The following SKIC3 variants were observed in gnomAD, a reference collection of about 807,000 sequenced individuals.
The protein encoded by SKIC3 is superkiller complex protein 3.
the SKIC3 span, chr5:95,513,438 C>T: frequency 0.15 from 150,360 of 971,798 alleles, 13,122 homozygotes; most frequent in East Asian, 0.34. Flanking sequence ...AGCAATCCTC[C>T]TGCCTTGGCA....
At chr5:95,531,107 T>C in the SKIC3 span, among the ~76,000 whole-genome samples, 3 of 151,964 alleles carry the variant, frequency 2.0e-5, no homozygotes, top group South Asian at 2.1e-4. Flanking sequence ...ATATAAAACA[T>C]AGAAGCCCAA....
At chr5:95,464,929 T>TTTTTC in the SKIC3 span, among the ~76,000 whole-genome samples, 1 of 145,610 alleles carries the variant, frequency 6.9e-6, no homozygotes, top group East Asian at 2.0e-4. Flanking sequence ...GATTGCTTTT[T>TTTTTC]TTTTTTTTTT....
At chr5:95,472,855 G>A in the SKIC3 span, among the ~76,000 whole-genome samples, 4 of 152,138 alleles carry the variant, frequency 2.6e-5, no homozygotes, top group Non-Finnish European at 5.9e-5. Flanking sequence ...GAGAACATGC[G>A]TATTTGATTT....
chr5:95,482,612 T>C, the SKIC3 span: 1 of 1,613,880 alleles, frequency 6.2e-7, no homozygotes, highest in Non-Finnish European at 8.5e-7. Flanking sequence ...GGCTGGCTGA[T>C]CAGGGTTACT....
the SKIC3 span, among the ~76,000 whole-genome samples, chr5:95,476,756 G>C: frequency 1.1e-3 from 169 of 152,212 alleles, 1 homozygote; most frequent in Non-Finnish European, 1.8e-3. Flanking sequence ...AAAATACTTC[G>C]GTGGTATAGT....
chr5:95,498,815 C>T, the SKIC3 span, among the ~76,000 whole-genome samples: 1 of 151,980 alleles, frequency 6.6e-6, no homozygotes, highest in Admixed American at 6.6e-5. Context: ...TTAGTAGAGA[C>T]GGGGTTTCAC....
the SKIC3 span, among the ~76,000 whole-genome samples, chr5:95,471,978 T>C: frequency 6.6e-6 from 1 of 152,322 alleles, no homozygotes; most frequent in Admixed American, 6.5e-5. Context: ...TATGATGCCC[T>C]GTGTAACTGC....
chr5:95,476,825 T>G, the SKIC3 span, among the ~76,000 whole-genome samples: 3 of 152,178 alleles, frequency 2.0e-5, no homozygotes, highest in African/African-American at 7.2e-5. Context: ...ATTACTGAAC[T>G]GCAAGCTAAT....
chr5:95,494,631 G>T, the SKIC3 span: 1 of 1,557,934 alleles, frequency 6.4e-7, no homozygotes, highest in Non-Finnish European at 8.8e-7. Context: ...TACAAAATAT[G>T]TATTTAGAAA....
At chr5:95,524,217 G>C in the SKIC3 span, among the ~76,000 whole-genome samples, 1 of 152,028 alleles carries the variant, frequency 6.6e-6, no homozygotes, top group Non-Finnish European at 1.5e-5. Context: ...TACCTTAAAA[G>C]TATTGTTTAC....
At chr5:95,514,401 A>G in the SKIC3 span, among the ~76,000 whole-genome samples, 2 of 152,210 alleles carry the variant, frequency 1.3e-5, no homozygotes, top group Admixed American at 6.5e-5. Context: ...GGGAGGAAAG[A>G]ACACTCATAA....
chr5:95,484,723 C>A, the SKIC3 span: 1 of 1,614,034 alleles, frequency 6.2e-7, no homozygotes, highest in Admixed American at 1.7e-5. Flanking sequence ...CCATAAAATA[C>A]CTTTGTGCAG....
At chr5:95,512,701 C>G in the SKIC3 span, 32 of 1,483,702 alleles carry the variant, frequency 2.2e-5, no homozygotes, top group Middle Eastern at 5.2e-4. Context: ...CAATGCACTT[C>G]AATACAATAA....
the SKIC3 span, among the ~76,000 whole-genome samples, chr5:95,546,326 T>C: frequency 6.7e-6 from 1 of 149,594 alleles, no homozygotes; most frequent in Admixed American, 6.6e-5. Flanking sequence ...GCAAGTTTCT[T>C]TTCCCACCAT....
At chr5:95,478,451 CA>C in the SKIC3 span, 1 of 1,613,450 alleles carries the variant, frequency 6.2e-7, no homozygotes, top group Non-Finnish European at 8.5e-7. Flanking sequence ...CACTAAGAAA[CA>C]AAAAAGGAGA....
At chr5:95,547,454 C>G in the SKIC3 span, among the ~76,000 whole-genome samples, 1 of 152,106 alleles carries the variant, frequency 6.6e-6, no homozygotes, top group African/African-American at 2.4e-5. Flanking sequence ...TTCTTGAAAG[C>G]ATTTGTCACA....
chr5:95,498,035 G>A, the SKIC3 span, among the ~76,000 whole-genome samples: 2 of 151,998 alleles, frequency 1.3e-5, no homozygotes, highest in Admixed American at 6.5e-5. Context: ...ATCTTTAAAC[G>A]GCTGAAAATT....
chr5:95,528,834 T>C, the SKIC3 span: 1 of 646,858 alleles, frequency 1.5e-6, no homozygotes. Context: ...AACACACTAG[T>C]ACACATGCAT....
At chr5:95,480,774 G>A in the SKIC3 span, among the ~76,000 whole-genome samples, 18 of 152,124 alleles carry the variant, frequency 1.2e-4, no homozygotes, top group South Asian at 4.2e-4. Flanking sequence ...AAATATTATC[G>A]TATGTCCATA....
Sources: gnomAD v4.1 joint callset for allele counts (sites outside exome capture counted in the v4.1 genomes callset) on GRCh38, gnomAD v4.1.1 for gene constraint, MANE v1.5 for transcripts, NCBI Gene and HGNC (gene_info 2026-07-23, HGNC 2026-07-21) for gene names.